ARHGAP6: variants seen among roughly 807,000 people sequenced by gnomAD.
ARHGAP6 encodes Rho GTPase activating protein 6.
ARHGAP6 carries 16 observed loss-of-function variants against 55.7 expected under a neutral mutation model. That is an observed-to-expected ratio of 0.29 (90% confidence interval 0.19 to 0.44). ARHGAP6 has a LOEUF of 0.44. Ranked by LOEUF, ARHGAP6 falls within the 20% of genes least tolerant of loss-of-function variation. The pLI is 1.00. For synonymous variants in ARHGAP6, 382 were observed against 360.9 expected (o/e 1.06, Z -0.66); for missense variants, 698 against 808.9 (o/e 0.86, Z 1.66).
chrX:11,433,679 C>A (rs1235836711), intron 1 of ARHGAP6, among the ~76,000 whole-genome samples: 3 of 112,533 alleles, frequency 2.7e-5, no homozygotes, highest in African/African-American at 9.7e-5. Flanking sequence ...ATTCCCATGA[C>A]AACGCCAACA....
chrX:11,569,358 C>A (rs1188277901), intron 1 of ARHGAP6, among the ~76,000 whole-genome samples: 3 of 111,149 alleles, frequency 2.7e-5, no homozygotes, highest in Non-Finnish European at 3.8e-5. Flanking sequence ...GGTATGGATG[C>A]TAAAAGGTTA....
intron 9 of ARHGAP6, among the ~76,000 whole-genome samples, chrX:11,168,420 G>C (rs1053853262): frequency 2.0e-4 from 23 of 112,255 alleles, no homozygotes; most frequent in African/African-American, 7.1e-4. Context: ...TCTAAAGCTA[G>C]AATTGATGCA....
intron 1 of ARHGAP6, among the ~76,000 whole-genome samples, chrX:11,282,993 T>C (rs1455941969): frequency 8.9e-6 from 1 of 112,121 alleles, no homozygotes; most frequent in Non-Finnish European, 1.9e-5. Context: ...AGACGTTTCA[T>C]GTAAATTATA....
chrX:11,240,765 C>T (rs1370143523), intron 2 of ARHGAP6, among the ~76,000 whole-genome samples: 1 of 110,274 alleles, frequency 9.1e-6, no homozygotes, highest in African/African-American at 3.3e-5. Flanking sequence ...CAAAATGAGG[C>T]CGGGCATGGT....
In ARHGAP6 at chrX:11,169,654, A is replaced by G; in HGVS notation, c.1660T>C (p.Leu554=). Reference sequence around the variant, plus strand: ...AGGTTGGGTCCAAATATGGTGGCTAAGTTTAGAGATGTCATTTTATTCCCA... The same window carrying G: ...AGGTTGGGTCCAAATATGGTGGCTAGGTTTAGAGATGTCATTTTATTCCCA... The part of the protein sequence containing the change: ...VTGNKMTSLN[L]ATIFGPNLLH... The change falls in exon 9 of 13, where the codon TTA becomes CTA. Residue 554 remains leucine (L), a synonymous_variant. Transcript: ENST00000337414. 8.3e-7 allele frequency: 1 copy of G among 1,201,604 alleles called. No homozygotes were observed. The highest frequency in any genetic ancestry group is 1.1e-6 in the Non-Finnish European group (1 of 890,659).
intron 1 of ARHGAP6, among the ~76,000 whole-genome samples, chrX:11,464,757 C>T (rs1043356009): frequency 8.9e-6 from 1 of 112,314 alleles, no homozygotes; most frequent in Non-Finnish European, 1.9e-5. Flanking sequence ...TAAGGAGCAA[C>T]ACCAACATTT....
chrX:11,521,152 C>T (rs1471260213), intron 1 of ARHGAP6, among the ~76,000 whole-genome samples: 1 of 112,043 alleles, frequency 8.9e-6, no homozygotes, highest in Non-Finnish European at 1.9e-5. Context: ...GGCAGAAGTT[C>T]TTTAGTTTAA....
chrX:11,653,997 T>G (rs902476351), intron 1 of ARHGAP6, among the ~76,000 whole-genome samples: 5 of 112,003 alleles, frequency 4.5e-5, no homozygotes, highest in African/African-American at 1.6e-4. Flanking sequence ...CATCAACGAT[T>G]ATTTGACTGA....
At chrX:11,207,069 T>C (rs754892457) in intron 2 of ARHGAP6, among the ~76,000 whole-genome samples, 6 of 111,925 alleles carry the variant, frequency 5.4e-5, no homozygotes, top group Non-Finnish European at 9.4e-5. Context: ...TATTCTGGTT[T>C]TCTGCCTCAA....
At chrX:11,533,358 T>C (rs1445132069) in intron 1 of ARHGAP6, among the ~76,000 whole-genome samples, 1 of 111,806 alleles carries the variant, frequency 8.9e-6, no homozygotes. Flanking sequence ...ATTTCAAAAC[T>C]AATACATTTT....
chrX:11,208,589 C>T (rs1437549269), intron 2 of ARHGAP6, among the ~76,000 whole-genome samples: 1 of 112,254 alleles, frequency 8.9e-6, no homozygotes, highest in Admixed American at 9.4e-5. Flanking sequence ...AGGAGATAAC[C>T]TCTAAGCCCT....
intron 9 of ARHGAP6, among the ~76,000 whole-genome samples, chrX:11,168,701 G>GA (rs1487246569): frequency 1.8e-5 from 2 of 111,847 alleles, no homozygotes; most frequent in African/African-American, 3.2e-5. Context: ...AGAAATGGGA[G>GA]AAAAAACATG....
chrX:11,533,984 C>T (rs1032765282), intron 1 of ARHGAP6, among the ~76,000 whole-genome samples: 3 of 111,855 alleles, frequency 2.7e-5, no homozygotes, highest in African/African-American at 9.7e-5. Flanking sequence ...TTGGAAAGAT[C>T]ACTGTGACAT....
At chrX:11,353,851 C>A (rs1234744658) in intron 1 of ARHGAP6, among the ~76,000 whole-genome samples, 1 of 110,505 alleles carries the variant, frequency 9.0e-6, no homozygotes, top group African/African-American at 3.3e-5. Flanking sequence ...GTGGGTGAAG[C>A]CATATTCTAG....
At chrX:11,240,988 T>C (rs2047268561) in intron 2 of ARHGAP6, among the ~76,000 whole-genome samples, 1 of 102,342 alleles carries the variant, frequency 9.8e-6, no homozygotes, top group Non-Finnish European at 2.0e-5. Flanking sequence ...GCCTGAGCCT[T>C]GGGAGGTTGA....
chrX:11,258,705 C>T (rs565451718), intron 1 of ARHGAP6, among the ~76,000 whole-genome samples: 49 of 111,898 alleles, frequency 4.4e-4, no homozygotes, highest in Admixed American at 1.3e-3. Flanking sequence ...TTGCAGCCCA[C>T]GGTTCTTAAC....
intron 1 of ARHGAP6, among the ~76,000 whole-genome samples, chrX:11,332,689 T>C (rs1219059718): frequency 8.9e-6 from 1 of 112,462 alleles, no homozygotes; most frequent in East Asian, 2.8e-4. Flanking sequence ...CTTCCCCCAG[T>C]TGTAACATCT....
chrX:11,628,983 A>ACG (rs1259839395), intron 1 of ARHGAP6, among the ~76,000 whole-genome samples: 6 of 71,826 alleles, frequency 8.4e-5, no homozygotes, highest in African/African-American at 3.4e-4. Context: ...TGCTTCAGAT[A>ACG]CGTGTGTGTG....
In ARHGAP6 at chrX:11,605,541, TGAGTACACTGTTCA is replaced by T. The variant is rs200833492; in HGVS notation, c.588+58686_588+58699del. Among the ~76,000 whole-genome samples, 996 of 111,461 alleles carry T rather than the reference TGAGTACACTGTTCA, an allele frequency of 8.9e-3. 13 individuals carry two copies. The highest frequency in any genetic ancestry group is 0.031 in the African/African-American group (953 of 30,602). ...GCTCTCTGGATAGTCCCCCAAATAATGAGTACACTGTTCAGATTCTATTGCCATGTGAGGAAGGC... is the reference window on the plus strand; with the variant it reads ...GCTCTCTGGATAGTCCCCCAAATAATGATTCTATTGCCATGTGAGGAAGGC... On this transcript the variant is annotated intron_variant, in intron 1 of 12. Coordinates refer to ENST00000337414, the MANE Select transcript of ARHGAP6 (RefSeq NM_013427.3).
Sources: gnomAD v4.1 joint callset for allele counts (sites outside exome capture counted in the v4.1 genomes callset) on GRCh38, gnomAD v4.1.1 for gene constraint, MANE v1.5 for transcripts, NCBI Gene and HGNC (gene_info 2026-07-23, HGNC 2026-07-21) for gene names.